The following PAX5 variants were observed in gnomAD, a reference collection of about 807,000 sequenced individuals.
PAX5 encodes paired box 5, also known as paired box protein Pax-5.
Under a neutral mutation model 43.7 loss-of-function variants are expected in PAX5, and 9 were observed. That is an observed-to-expected ratio of 0.21 (90% CI 0.12 to 0.36). The LOEUF (loss-of-function observed/expected upper bound fraction) is 0.36, where lower values mean the gene tolerates loss of function less well. Among genes scored for constraint, PAX5 ranks in the 10% least tolerant of loss-of-function variants. PAX5 has a pLI of 1.00. For synonymous variants in PAX5, 228 were observed against 214.3 expected (o/e 1.06, Z -0.56); for missense variants, 383 against 532.7 (o/e 0.72, Z 2.77).
chr9:36,889,096 T>C (rs1342831361), intron 7 of PAX5, among the ~76,000 whole-genome samples: 2 of 152,224 alleles, frequency 1.3e-5, no homozygotes, highest in Admixed American at 1.3e-4. Context: ...GTTACTCTTC[T>C]CATGGAGAAG....
At chr9:36,854,009 A>G (rs908697068) in intron 8 of PAX5, among the ~76,000 whole-genome samples, 1 of 152,268 alleles carries the variant, frequency 6.6e-6, no homozygotes, top group African/African-American at 2.4e-5. Flanking sequence ...CCTCTGCTCC[A>G]GACCTTGGCC....
At chr9:36,979,237 CAA>C (rs780711074) in intron 5 of PAX5, among the ~76,000 whole-genome samples, 18 of 152,170 alleles carry the variant, frequency 1.2e-4, no homozygotes, top group African/African-American at 3.1e-4. Context: ...GAAAAGAACT[CAA>C]GAGGCTTTTG....
At chr9:36,853,963 T>C (rs1563893301) in intron 8 of PAX5, among the ~76,000 whole-genome samples, 1 of 152,232 alleles carries the variant, frequency 6.6e-6, no homozygotes, top group Admixed American at 6.5e-5. Flanking sequence ...CAGAGCGCAC[T>C]GGGGGCCGAC....
chr9:36,970,677 G>C (rs905591646), intron 5 of PAX5, among the ~76,000 whole-genome samples: 1 of 152,168 alleles, frequency 6.6e-6, no homozygotes, highest in African/African-American at 2.4e-5. Flanking sequence ...TTCAGCCGCA[G>C]GTGATTCACT....
chr9:36,916,702 T>A (rs1829751814), intron 7 of PAX5, among the ~76,000 whole-genome samples: 1 of 152,142 alleles, frequency 6.6e-6, no homozygotes, highest in African/African-American at 2.4e-5. Flanking sequence ...TCTCTTTTTT[T>A]GAGACAGAGT....
intron 7 of PAX5, among the ~76,000 whole-genome samples, chr9:36,891,600 A>G (rs1827391860): frequency 6.6e-6 from 1 of 152,186 alleles, no homozygotes; most frequent in South Asian, 2.1e-4. Context: ...TGGTGATGTA[A>G]CAGCCTACCT....
intron 6 of PAX5, among the ~76,000 whole-genome samples, chr9:36,957,512 C>A (rs1308425635): frequency 1.3e-5 from 2 of 152,138 alleles, no homozygotes; most frequent in African/African-American, 4.8e-5. Context: ...AGATTCAAAG[C>A]TCCAACCAAA....
At chr9:37,014,461 T>G (rs1432471821) in intron 3 of PAX5, among the ~76,000 whole-genome samples, 2 of 152,140 alleles carry the variant, frequency 1.3e-5, no homozygotes, top group Non-Finnish European at 2.9e-5. Context: ...GAGGAAGAGC[T>G]TTGTCAAGGT....
chr9:36,972,258 C>T (rs1588118015), intron 5 of PAX5, among the ~76,000 whole-genome samples: 2 of 152,222 alleles, frequency 1.3e-5, no homozygotes, highest in Non-Finnish European at 2.9e-5. Flanking sequence ...CTCACAGCTG[C>T]TCCTTAGCAT....
chr9:36,950,130 G>A (rs1434374946), intron 6 of PAX5, among the ~76,000 whole-genome samples: 2 of 152,114 alleles, frequency 1.3e-5, no homozygotes, highest in African/African-American at 4.8e-5. Flanking sequence ...CTGATGAGCC[G>A]GCTCTTGCCA....
chr9:36,926,773 AC>A (rs1228531088), intron 6 of PAX5, among the ~76,000 whole-genome samples: 1 of 152,084 alleles, frequency 6.6e-6, no homozygotes, highest in Non-Finnish European at 1.5e-5. Flanking sequence ...CATTCGTTCA[AC>A]CTTTACTGAG....
At chr9:37,004,295 G>T (rs1027100506) in intron 4 of PAX5, among the ~76,000 whole-genome samples, 13 of 152,330 alleles carry the variant, frequency 8.5e-5, no homozygotes, top group South Asian at 4.1e-4. Context: ...CAGTCCATCA[G>T]CAGGGGCCTC....
intron 7 of PAX5, among the ~76,000 whole-genome samples, chr9:36,916,638 T>C (rs969053726): frequency 1.3e-5 from 2 of 152,014 alleles, no homozygotes; most frequent in Non-Finnish European, 1.5e-5. Context: ...AGGTGAGATA[T>C]ATATATATAT....
intron 8 of PAX5, among the ~76,000 whole-genome samples, chr9:36,880,007 G>A (rs1387626204): frequency 6.6e-6 from 1 of 152,238 alleles, no homozygotes; most frequent in Non-Finnish European, 1.5e-5. Context: ...ACACACGGAG[G>A]CCGTTTCCCA....
rs1344204773 is a variant in PAX5 at position 36,846,867 on chromosome 9, T to G, written c.1075A>C (p.Arg359=). The G allele has an allele frequency of 1.2e-6, 2 of 1,614,066 alleles. No homozygotes were observed. Among genetic ancestry groups the G allele is most frequent in the South Asian group, 2.2e-5 (2 of 91,068 alleles). ...PQYSSYNDSW[R]FPNPGLLGSP... ...CCAAGCAGCCCCGGGTTGGGGAACC[T>G]CCAGGAGTCGTTGTACGAGGAATAC... is the stretch of plus-strand genomic sequence containing the variant. Residue 359 remains arginine (R), a synonymous_variant, in exon 9 of 10, where the codon AGG becomes CGG. Coordinates refer to ENST00000358127, the MANE Select transcript of PAX5 (RefSeq NM_016734.3).
intron 5 of PAX5, 127 bp downstream of exon 5, chr9:37,002,521 C>T: frequency 1.0e-6 from 1 of 980,300 alleles, no homozygotes; most frequent in East Asian, 2.6e-5. Flanking sequence ...AGCGTGCGGG[C>T]CGGGGGACTC....
intron 1 of PAX5, among the ~76,000 whole-genome samples, chr9:37,028,265 A>G (rs1840633722): frequency 6.6e-6 from 1 of 152,198 alleles, no homozygotes; most frequent in East Asian, 1.9e-4. Context: ...TAAAATGGGC[A>G]GAGTGGGGTT....
intron 8 of PAX5, among the ~76,000 whole-genome samples, chr9:36,864,082 C>A (rs970421345): frequency 1.3e-5 from 2 of 152,216 alleles, no homozygotes; most frequent in Non-Finnish European, 2.9e-5. Context: ...ACATTCCAGC[C>A]TGGGCATCAG....
chr9:36,976,773 G>C (rs568460350), intron 5 of PAX5, among the ~76,000 whole-genome samples: 2 of 152,336 alleles, frequency 1.3e-5, no homozygotes, highest in East Asian at 3.9e-4. Flanking sequence ...GATTGTGCCG[G>C]GTGTTACCCA....
Sources: allele counts gnomAD v4.1 joint callset (sites outside exome capture counted in the v4.1 genomes callset), GRCh38; gene constraint gnomAD v4.1.1; transcripts MANE v1.5; gene names NCBI Gene and HGNC (gene_info 2026-07-23, HGNC 2026-07-21).